CNIH3: variants seen among roughly 807,000 people sequenced by gnomAD.
The protein encoded by CNIH3 is protein cornichon homolog 3.
Under a neutral mutation model 24.1 loss-of-function variants are expected in CNIH3, and 14 were observed. That is an observed-to-expected ratio of 0.58 (90% CI 0.38 to 0.91). The LOEUF (loss-of-function observed/expected upper bound fraction) is 0.91. CNIH3 is among the 40% of genes least tolerant of loss of function. The pLI, the probability that CNIH3 is intolerant of heterozygous loss-of-function variation, is 0.00. For missense variants in CNIH3, 178 were observed against 196.8 expected (o/e 0.90, Z 0.57); for synonymous variants, 68 against 73.8 (o/e 0.92, Z 0.40).
upstream of CNIH3, among the ~76,000 whole-genome samples, chr1:224,614,379 G>A (rs1404407031): frequency 6.6e-6 from 1 of 152,184 alleles, no homozygotes; most frequent in Non-Finnish European, 1.5e-5. Flanking sequence ...TTCTAAACTG[G>A]AGGGAGATAT....
chr1:224,461,154 C>G (rs1226937433), intron 1 of CNIH3, among the ~76,000 whole-genome samples: 7 of 151,962 alleles, frequency 4.6e-5, no homozygotes, highest in African/African-American at 1.7e-4. Context: ...AGGCGCCCAC[C>G]ACCACACCCA....
intron 1 of CNIH3, among the ~76,000 whole-genome samples, chr1:224,620,592 T>C (rs1165141723): frequency 3.9e-5 from 6 of 152,242 alleles, no homozygotes; most frequent in Admixed American, 3.9e-4. Context: ...ATTAGACTTC[T>C]GCTTATAAAA....
At chr1:224,506,033 A>C (rs2124882402) in intron 1 of CNIH3, among the ~76,000 whole-genome samples, 1 of 152,310 alleles carries the variant, frequency 6.6e-6, no homozygotes, top group South Asian at 2.1e-4. Flanking sequence ...AGTTGGAAAG[A>C]TTGCTCCCAA....
intron 1 of CNIH3, among the ~76,000 whole-genome samples, chr1:224,660,880 A>G (rs9661696): frequency 0.18 from 26,972 of 152,120 alleles, 2,561 homozygotes; most frequent in African/African-American, 0.23. Flanking sequence ...TTAGTGTACA[A>G]TCTTGTCCTA....
intron 5 of CNIH3, among the ~76,000 whole-genome samples, chr1:224,737,414 A>C (rs1689651402): frequency 6.6e-6 from 1 of 152,216 alleles, no homozygotes. Context: ...CAGTTCCTGC[A>C]GCCTCACTGG....
intron 4 of CNIH3, among the ~76,000 whole-genome samples, chr1:224,733,337 T>C (rs1337012013): frequency 1.3e-5 from 2 of 152,222 alleles, no homozygotes; most frequent in East Asian, 3.8e-4. Context: ...ATGGCCACCC[T>C]GCCCTTCTGC....
At position 224,490,649 on chromosome 1, in the gene CNIH3, A is replaced by C. The variant is rs184746255; in HGVS notation, n.204-25092A>C. On this transcript the variant is annotated intron_variant and non_coding_transcript_variant, in intron 1 of 5. Coordinates refer to the CNIH3 transcript ENST00000471578. ...ATACATCCTTGTTACAGACTTCAAA[A>C]ACCAGAGCCTTCTGGTTTGAGACTT... Among the ~76,000 whole-genome samples, 918 of 152,358 alleles carry C rather than the reference A, an allele frequency of 6.0e-3. 16 individuals are homozygous for C. The highest frequency in any genetic ancestry group is 0.021 in the African/African-American group (869 of 41,580).
chr1:224,726,708 T>G (rs187472259), intron 3 of CNIH3, among the ~76,000 whole-genome samples: 1 of 152,292 alleles, frequency 6.6e-6, no homozygotes, highest in Non-Finnish European at 1.5e-5. Context: ...TCCCCCTGGT[T>G]GGAATGAATT....
intron 1 of CNIH3, among the ~76,000 whole-genome samples, chr1:224,493,337 G>A (rs942924176): frequency 6.6e-6 from 1 of 152,106 alleles, no homozygotes; most frequent in African/African-American, 2.4e-5. Context: ...GTTGTCTTTA[G>A]CAAACCAAAA....
intron 5 of CNIH3, among the ~76,000 whole-genome samples, chr1:224,587,802 C>T: frequency 6.6e-6 from 1 of 151,898 alleles, no homozygotes; most frequent in East Asian, 1.9e-4. Context: ...AATAGCGGGG[C>T]ATGGTGGTGT....
At chr1:224,505,032 C>CCCTTCCTTCCTT (rs1181782404) in intron 1 of CNIH3, among the ~76,000 whole-genome samples, 2,066 of 45,798 alleles carry the variant, frequency 0.045, 81 homozygotes, top group Non-Finnish European at 0.053. Context: ...CTCCCTCCCT[C>CCCTTCCTTCCTT]CCTTCCTTCC....
intron 1 of CNIH3, among the ~76,000 whole-genome samples, chr1:224,617,960 C>G (rs1430220443): frequency 5.3e-5 from 8 of 152,200 alleles, no homozygotes; most frequent in African/African-American, 1.4e-4. Context: ...AGACCCCCTG[C>G]AGGTGGCGAA....
intron 3 of CNIH3, among the ~76,000 whole-genome samples, chr1:224,596,035 A>T (rs1490827368): frequency 2.6e-5 from 4 of 152,236 alleles, no homozygotes; most frequent in Non-Finnish European, 4.4e-5. Context: ...GTTACCCAGA[A>T]GGTCTAGCTA....
chr1:224,485,521 C>G (rs1420038511), intron 1 of CNIH3, among the ~76,000 whole-genome samples: 1 of 152,108 alleles, frequency 6.6e-6, no homozygotes, highest in Non-Finnish European at 1.5e-5. Flanking sequence ...GAGACAGGGT[C>G]TGATTCTGTC....
chr1:224,695,578 C>T (rs1572740140), intron 3 of CNIH3, among the ~76,000 whole-genome samples: 1 of 152,168 alleles, frequency 6.6e-6, no homozygotes, highest in Non-Finnish European at 1.5e-5. Context: ...TCAAGGTCAC[C>T]CAGCTCATAG....
upstream of CNIH3, chr1:224,434,643 T>C: frequency 1.5e-6 from 1 of 653,360 alleles, no homozygotes; most frequent in South Asian, 6.6e-5. Flanking sequence ...GCGGGGCGGC[T>C]GCGGGGGCGC....
intron 3 of CNIH3, among the ~76,000 whole-genome samples, chr1:224,690,070 A>C (rs1163035028): frequency 1.3e-5 from 2 of 152,212 alleles, no homozygotes; most frequent in Non-Finnish European, 2.9e-5. Flanking sequence ...GTTCGAGGAA[A>C]TTAACTTAAA....
intron 3 of CNIH3, among the ~76,000 whole-genome samples, chr1:224,713,011 C>A (rs1299701123): frequency 1.3e-5 from 2 of 152,208 alleles, no homozygotes; most frequent in African/African-American, 4.8e-5. Flanking sequence ...AAAAGGTTAA[C>A]ATTAAATAAT....
chr1:224,734,580 CA>C lies in CNIH3; in HGVS notation c.330del (p.Asp111IlefsTer5). 6.2e-7 allele frequency: 1 copy of C among 1,614,202 alleles called. No homozygotes were observed. The highest frequency in any genetic ancestry group is 1.3e-5 in the African/African-American group (1 of 75,042). ...CCCTGCAGGTATTTCCACTGTCCAG[CA>C]GATAGCTCAGAACTAGCCTACGACC... ...YHFWRYFHCPADSSELAYDPP... is the reference protein window; with the variant it reads ...YHFWRYFHCPXDSSELAYDPP... On this transcript the variant is annotated frameshift_variant, in exon 5 of 6. Transcript: ENST00000272133. LOFTEE classifies it high-confidence loss of function.
Sources: allele counts gnomAD v4.1 joint callset (sites outside exome capture counted in the v4.1 genomes callset), GRCh38; gene constraint gnomAD v4.1.1; transcripts MANE v1.5; gene names NCBI Gene and HGNC (gene_info 2026-07-23, HGNC 2026-07-21).